DNAH3: variants seen among roughly 807,000 people sequenced by gnomAD.
DNAH3 encodes the protein axonemal beta dynein heavy chain 3.
A neutral mutation model predicts 432.5 loss-of-function variants in DNAH3; 332 were observed. The observed-to-expected ratio is 0.77, with a 90% CI of 0.70 to 0.84. The LOEUF (loss-of-function observed/expected upper bound fraction) is 0.84. DNAH3 is among the 40% of genes least tolerant of loss of function. The pLI is 0.00. For missense variants in DNAH3, 4,861 were observed against 5,114.0 expected, an observed-to-expected ratio of 0.95 and a Z score of 1.51; for synonymous variants, 1,956 against 1,900.2, an observed-to-expected ratio of 1.03 and a Z score of -0.76.
chr16:21,131,496 G>GA (rs1159311787), intron 7 of DNAH3, among the ~76,000 whole-genome samples: 6 of 1,088 alleles, frequency 5.5e-3, no homozygotes, highest in Middle Eastern at 0.5. Context: ...AAGAAAGAGA[G>GA]ATGAGAGAGA....
intron 59 of DNAH3, among the ~76,000 whole-genome samples, chr16:20,938,048 T>G (rs1353777299): frequency 1.3e-5 from 2 of 152,116 alleles, no homozygotes; most frequent in Non-Finnish European, 2.9e-5. Flanking sequence ...ATGAGAATGA[T>G]CACATGCAGG....
At chr16:21,153,560 G>A (rs111416344) in intron 1 of DNAH3, among the ~76,000 whole-genome samples, 196 of 152,292 alleles carry the variant, frequency 1.3e-3, no homozygotes, top group African/African-American at 4.1e-3. Context: ...CAAGCCGCTT[G>A]ATCCCCTTCT....
At chr16:21,159,248 T>C in intron 1 of DNAH3, 1 of 1,285,358 alleles carries the variant, frequency 7.8e-7, no homozygotes, top group South Asian at 1.2e-5. Flanking sequence ...CCCAAATTAA[T>C]AACTAAGTAC....
chr16:20,972,074 G>A (rs2085365347), intron 51 of DNAH3, among the ~76,000 whole-genome samples: 1 of 152,156 alleles, frequency 6.6e-6, no homozygotes, highest in Non-Finnish European at 1.5e-5. Context: ...GGGTGGGGCT[G>A]GGACTTTGGT....
chr16:21,118,112 C>G (rs1041408413), intron 11 of DNAH3, among the ~76,000 whole-genome samples: 2 of 151,758 alleles, frequency 1.3e-5, no homozygotes, highest in African/African-American at 4.8e-5. Flanking sequence ...CTCAGCCTCC[C>G]GAGTAGCTGG....
chr16:21,108,522 T>C (rs960800930), intron 14 of DNAH3, among the ~76,000 whole-genome samples: 2 of 151,820 alleles, frequency 1.3e-5, no homozygotes, highest in African/African-American at 4.8e-5. Flanking sequence ...AGTGGGAGTA[T>C]TGCTTGAGCC....
At chr16:21,098,911 A>ATCTT in intron 16 of DNAH3, 142 bp from the exon 17 acceptor site, 2 of 792,800 alleles carry the variant, frequency 2.5e-6, no homozygotes, top group Non-Finnish European at 2.0e-6. Context: ...TCCCAACTCC[A>ATCTT]TCTTTCTCTC....
chr16:21,141,299 C>A lies in DNAH3; in HGVS notation c.521+1G>T. On this transcript the variant is annotated splice_donor_variant, in intron 4 of 61. Transcript: ENST00000261383. LOFTEE classifies it high-confidence loss of function. ...CTCTGGTGCCCACAGTGATATCTTA[C>A]CTAGTGGAATCCTCTTTGTTTCTGG... 6.3e-7 allele frequency: 1 copy of A among 1,583,326 alleles called. No individual in the cohort carries two copies.
intron 44 of DNAH3, among the ~76,000 whole-genome samples, chr16:20,995,310 T>C (rs932929917): frequency 6.6e-6 from 1 of 152,140 alleles, no homozygotes; most frequent in Admixed American, 6.6e-5. Flanking sequence ...CTTGGCTCAC[T>C]GCAACCTCTG....
intron 44 of DNAH3, among the ~76,000 whole-genome samples, chr16:20,990,835 C>A (rs1458553025): frequency 6.6e-6 from 1 of 151,972 alleles, no homozygotes; most frequent in South Asian, 2.1e-4. Flanking sequence ...GCCTGGCCAG[C>A]ATGGTGAAAC....
intron 57 of DNAH3, 58 bp from the exon 58 acceptor site, chr16:20,944,721 T>C: frequency 1.9e-6 from 3 of 1,575,072 alleles, no homozygotes; most frequent in Non-Finnish European, 2.6e-6. Flanking sequence ...CACAGATGAC[T>C]CCAGGCTTAG....
In DNAH3 at chr16:21,117,681, C is replaced by T. The variant is rs2152808977; in HGVS notation, c.1700-364G>A. Among the ~76,000 whole-genome samples the T allele has an allele frequency of 3.3e-5, 5 of 152,276 alleles. No individual in the cohort carries two copies. The South Asian group carries it at 1.0e-3, about 32-fold the overall frequency. On this transcript the variant is annotated intron_variant, in intron 11 of 61. Transcript: ENST00000261383. ...AACTTTTCCTGCTTAGCACTCATCACAATTGCAATTAGATGAATGTGTAAT... is the reference window on the plus strand; with the variant it reads ...AACTTTTCCTGCTTAGCACTCATCATAATTGCAATTAGATGAATGTGTAAT...
intron 47 of DNAH3, among the ~76,000 whole-genome samples, 187 bp downstream of exon 47, chr16:20,987,118 G>A (rs1295746960): frequency 6.6e-6 from 1 of 152,166 alleles, no homozygotes; most frequent in Non-Finnish European, 1.5e-5. Context: ...TACAACAGAA[G>A]GGAAGCAAAG....
chr16:20,964,020 G>A lies in DNAH3; in HGVS notation c.9864C>T (p.Asp3288=), dbSNP rs142743875. ...CTGGCTTGTAGCCCATCCGAGTCTC[G>A]TCAATCTGCGTTTCTGTCATGGAAG... The change falls in exon 53 of 62, where the codon GAC becomes GAT. Residue 3288 remains aspartate (D), a synonymous_variant. Transcript: ENST00000261383. 461 of 1,614,150 alleles carry A rather than the reference G, an allele frequency of 2.9e-4. 4 individuals are homozygous for A. The African/African-American group carries it at 5.0e-3, about 17-fold the overall frequency.
chr16:21,057,751 T>C (rs858200), intron 27 of DNAH3, among the ~76,000 whole-genome samples: 103,842 of 151,966 alleles, frequency 0.68, 35,975 homozygotes, highest in East Asian at 1. Context: ...GAGAGGCAGA[T>C]GGTGGCCCCT....
At chr16:21,082,447 G>A (rs553539664) in intron 19 of DNAH3, among the ~76,000 whole-genome samples, 2 of 152,008 alleles carry the variant, frequency 1.3e-5, no homozygotes, top group Non-Finnish European at 2.9e-5. Context: ...AGCAATCCTC[G>A]CACCTTGATC....
intron 52 of DNAH3, among the ~76,000 whole-genome samples, 172 bp downstream of exon 52, chr16:20,969,620 A>G (rs1301937734): frequency 7.9e-5 from 12 of 152,168 alleles, no homozygotes; most frequent in Admixed American, 7.9e-4. Flanking sequence ...CCGCTGGAGA[A>G]GCCTGAGAGA....
At chr16:21,114,412 T>C (rs901849691) in intron 12 of DNAH3, among the ~76,000 whole-genome samples, 7 of 152,282 alleles carry the variant, frequency 4.6e-5, no homozygotes, top group Non-Finnish European at 8.8e-5. Flanking sequence ...TAAAATAAGT[T>C]TGAATTAAAA....
At chr16:21,075,940 A>AAAG (rs61207933) in intron 20 of DNAH3, among the ~76,000 whole-genome samples, 3 of 139,510 alleles carry the variant, frequency 2.2e-5, no homozygotes, top group East Asian at 2.2e-4. Flanking sequence ...AAAAAAAAAA[A>AAAG]GGGAGGAATT....
Sources: allele counts gnomAD v4.1 joint callset (sites outside exome capture counted in the v4.1 genomes callset), GRCh38; gene constraint gnomAD v4.1.1; transcripts MANE v1.5; gene names NCBI Gene and HGNC (gene_info 2026-07-23, HGNC 2026-07-21).